The following ABCA9 variants were observed in gnomAD, a reference collection of about 807,000 sequenced individuals.
ABCA9 encodes the protein ATP binding cassette subfamily A member 9.
In ABCA9, 183 loss-of-function variants were observed where a neutral mutation model predicts 205.3. The observed-to-expected ratio is 0.89, with a 90% confidence interval of 0.79 to 1.01. The LOEUF is 1.01. ABCA9 is among the 50% of genes least tolerant of loss of function. The pLI is 0.00. For missense variants in ABCA9, 1,805 were observed against 1,912.4 expected (o/e 0.94, Z 1.05); for synonymous variants, 651 against 683.3 (o/e 0.95, Z 0.74).
At chr17:69,002,794 G>C (rs879543862) in intron 25 of ABCA9, among the ~76,000 whole-genome samples, 44 of 140,110 alleles carry the variant, frequency 3.1e-4, no homozygotes, top group Non-Finnish European at 5.3e-4. Context: ...TATGAATCTG[G>C]GTGCTCCTGT....
chr17:68,995,682 G>T (rs1408557913), intron 26 of ABCA9, among the ~76,000 whole-genome samples: 1 of 99,376 alleles, frequency 1.0e-5, no homozygotes, highest in Non-Finnish European at 2.2e-5. Context: ...CCACTCTCCT[G>T]GAGTTGCCTT....
Position 68,992,163 on chromosome 17 carries a change from G to A in ABCA9, c.3716+12C>T, listed in dbSNP as rs368968315. 3 of 1,529,938 alleles carry A rather than the reference G, an allele frequency of 2.0e-6. No individual in the cohort carries two copies. The African/African-American group carries it at 4.2e-5, about 21-fold the overall frequency. The allele number at this position is 1,529,938 out of a possible 1,614,324, so 94.8% of individuals were successfully genotyped here. A position where few individuals can be genotyped will look rare whatever the true frequency, so the allele number is the denominator to read the frequency against. On this transcript the variant is annotated intron_variant, in intron 28 of 38. Transcript: ENST00000340001. ...CAAAATGAAACATGAAATTCGATTTGATTTTCTCAACCTGAACACAGGATC... is the reference window on the plus strand; with the variant it reads ...CAAAATGAAACATGAAATTCGATTTAATTTTCTCAACCTGAACACAGGATC...
At chr17:68,986,554 C>G in intron 31 of ABCA9, 1 of 383,106 alleles carries the variant, frequency 2.6e-6, no homozygotes. Context: ...AATTCCATGA[C>G]CGTGATTGAA....
intron 1 of ABCA9, among the ~76,000 whole-genome samples, chr17:69,058,826 G>A (rs1486243552): frequency 3.5e-5 from 5 of 141,430 alleles, no homozygotes; most frequent in Admixed American, 2.9e-4. Context: ...GTGACAGTGT[G>A]AGACTGTCTC....
chr17:68,986,551 T>C, intron 31 of ABCA9: 1 of 384,060 alleles, frequency 2.6e-6, no homozygotes, highest in Non-Finnish European at 4.6e-6. Context: ...ACCAATTCCA[T>C]GACCGTGATT....
chr17:69,068,161 C>T, the ABCA9 span, among the ~76,000 whole-genome samples: 9 of 152,144 alleles, frequency 5.9e-5, no homozygotes, highest in African/African-American at 1.9e-4. Flanking sequence ...AAACATTCAA[C>T]GGAAACTTCA....
intron 30 of ABCA9, 124 bp from the exon 31 acceptor site, chr17:68,989,242 C>CCTCT (rs569197969): frequency 0.031 from 10,393 of 330,898 alleles, 375 homozygotes; most frequent in South Asian, 0.054. Flanking sequence ...TTCCCTTATT[C>CCTCT]CTCTCTCTCT....
intron 37 of ABCA9, among the ~76,000 whole-genome samples, chr17:68,981,618 G>A (rs575157300): frequency 6.6e-6 from 1 of 151,894 alleles, no homozygotes; most frequent in South Asian, 2.1e-4. Context: ...GTCTCAAGAA[G>A]AATCTCATTA....
chr17:69,026,663 T>G (rs1385788508), intron 15 of ABCA9, among the ~76,000 whole-genome samples, 196 bp from the exon 16 acceptor site: 1 of 152,210 alleles, frequency 6.6e-6, no homozygotes, highest in Non-Finnish European at 1.5e-5. Context: ...CAACTTATTC[T>G]TTAGCGTATT....
chr17:69,025,444 T>G (rs973775659), intron 16 of ABCA9, among the ~76,000 whole-genome samples: 1 of 152,152 alleles, frequency 6.6e-6, no homozygotes, highest in African/African-American at 2.4e-5. Flanking sequence ...AAGAACATGT[T>G]TGACAGATAT....
intron 1 of ABCA9, among the ~76,000 whole-genome samples, chr17:69,056,559 T>C (rs544171581): frequency 6.6e-6 from 1 of 152,314 alleles, no homozygotes; most frequent in East Asian, 1.9e-4. Context: ...GGTTCCCCAG[T>C]GAATGGGTTC....
At chr17:69,060,802 C>G in intron 1 of ABCA9, 64 bp downstream of exon 1, 3 of 947,820 alleles carry the variant, frequency 3.2e-6, no homozygotes, top group Non-Finnish European at 3.8e-6. Context: ...TCTGGCATGC[C>G]TATTTATAGT....
At chr17:69,046,875 CTATATATATATATATATATATA>C (rs71144650) in intron 3 of ABCA9, among the ~76,000 whole-genome samples, 16 of 127,758 alleles carry the variant, frequency 1.3e-4, no homozygotes, top group African/African-American at 3.6e-4. Context: ...CGATTTTATA[CTATATATATATATATATATATA>C]TATATATATA....
rs1190699092 is a variant in ABCA9, at chr17:69,027,802, GAC to G, written c.1627_1628del (p.Val543LeufsTer2). 1 of 1,606,918 alleles carries G rather than the reference GAC, an allele frequency of 6.2e-7. No individual in the cohort carries two copies. On this transcript the variant is annotated frameshift_variant, in exon 13 of 39. Transcript: ENST00000340001. LOFTEE classifies it high-confidence loss of function. ...CCATTCTTGAAAGTGTGTGATTATA[GAC>G]AGTGACTGAACCTGAAAGCAGAAGG... ...LSVPTSGSVT[V>X]YNHTLSRMAD...
intron 1 of ABCA9, among the ~76,000 whole-genome samples, chr17:69,059,692 A>T (rs2072175327): frequency 6.6e-6 from 1 of 150,696 alleles, no homozygotes; most frequent in South Asian, 2.1e-4. Flanking sequence ...TTACAGCAGC[A>T]ATAGAAAGTT....
At chr17:69,033,632 CTGCT>C in intron 9 of ABCA9, 90 bp downstream of exon 9, 1 of 1,111,814 alleles carries the variant, frequency 9.0e-7, no homozygotes, top group Non-Finnish European at 1.3e-6. Context: ...TTTTGAAAAA[CTGCT>C]TGCTAATTTT....
At chr17:69,032,568 C>T (rs1017012976) in intron 9 of ABCA9, 2 of 232,904 alleles carry the variant, frequency 8.6e-6, no homozygotes, top group Non-Finnish European at 1.7e-5. Context: ...TAATTAAGAA[C>T]AATTTTCTAT....
At chr17:69,017,401 T>A (rs577574142) in intron 21 of ABCA9, among the ~76,000 whole-genome samples, 1 of 152,144 alleles carries the variant, frequency 6.6e-6, no homozygotes, top group African/African-American at 2.4e-5. Context: ...TGGAATCCAA[T>A]TGATAATAAC....
chr17:68,990,346 T>C (rs143780045), intron 29 of ABCA9, among the ~76,000 whole-genome samples: 5 of 152,250 alleles, frequency 3.3e-5, no homozygotes, highest in Non-Finnish European at 7.4e-5. Flanking sequence ...CCCTGAAAAA[T>C]AAATCAATAC....
Sources: gnomAD v4.1 joint callset for allele counts (sites outside exome capture counted in the v4.1 genomes callset) on GRCh38, gnomAD v4.1.1 for gene constraint, MANE v1.5 for transcripts, NCBI Gene and HGNC (gene_info 2026-07-23, HGNC 2026-07-21) for gene names.